PEX7: variants seen among roughly 807,000 people sequenced by gnomAD.
The protein encoded by PEX7 is PTS2 receptor.
In PEX7, 34 loss-of-function variants were observed where a neutral mutation model predicts 47.5. That is an observed-to-expected ratio of 0.72 (90% CI 0.54 to 0.95). The LOEUF (loss-of-function observed/expected upper bound fraction) is 0.95, where lower values mean the gene tolerates loss of function less well. Ranked by LOEUF, PEX7 falls within the 40% of genes least tolerant of loss-of-function variation. PEX7 has a pLI of 0.00. For missense variants in PEX7, 394 were observed against 400.3 expected (o/e 0.98, Z 0.13); for synonymous variants, 141 against 148.8 (o/e 0.95, Z 0.38).
intron 5 of PEX7, among the ~76,000 whole-genome samples, chr6:136,862,186 C>T (rs1053825771): frequency 1.3e-5 from 2 of 150,892 alleles, no homozygotes; most frequent in Admixed American, 6.6e-5. Flanking sequence ...TATGCCCCAG[C>T]GTCTTGAGTA....
chr6:136,900,751 A>C lies in PEX7; in HGVS notation c.903+2510A>C. On this transcript the variant is annotated intron_variant, in intron 9 of 9. Coordinates refer to ENST00000318471, the MANE Select transcript of PEX7 (RefSeq NM_000288.4). This position sits in a 1 kb window ranked among gnomAD's most constrained non-coding sequence, Gnocchi z 4.2. ...CTCCACCAAGGTGGTGACGGTGTTA[A>C]CCCCAGCTTGAAGGACAGGTGGTCT... 2.9e-6 allele frequency: 1 copy of C among 339,408 alleles called. No homozygotes were observed. 21.0% of individuals were successfully genotyped at this position (339,408 alleles called of 1,614,324 possible).
At chr6:136,895,429 A>G (rs1775631396) in intron 8 of PEX7, among the ~76,000 whole-genome samples, 2 of 151,956 alleles carry the variant, frequency 1.3e-5, no homozygotes, top group Admixed American at 6.6e-5. Context: ...GATTGAAAAA[A>G]TTTTCCTGAC....
chr6:136,860,293 A>T (rs1324537499), intron 5 of PEX7, among the ~76,000 whole-genome samples: 2 of 152,156 alleles, frequency 1.3e-5, no homozygotes, highest in African/African-American at 4.8e-5. Flanking sequence ...GAAGTGCCAA[A>T]TGGTTACATC....
intron 8 of PEX7, among the ~76,000 whole-genome samples, chr6:136,886,951 G>A (rs1438480889): frequency 6.6e-6 from 1 of 152,068 alleles, no homozygotes; most frequent in Non-Finnish European, 1.5e-5. Context: ...CTTGGGTGCT[G>A]AGGCAGGAGG....
At chr6:136,911,973 T>C (rs1037917164) in intron 9 of PEX7, among the ~76,000 whole-genome samples, 6 of 152,226 alleles carry the variant, frequency 3.9e-5, no homozygotes, top group Admixed American at 1.3e-4. Flanking sequence ...TCTTTAATTT[T>C]AGCCATAATG....
chr6:136,905,182 C>A (rs1311528934), intron 9 of PEX7, among the ~76,000 whole-genome samples: 1 of 152,176 alleles, frequency 6.6e-6, no homozygotes, highest in African/African-American at 2.4e-5. Context: ...GTCTCTGTCA[C>A]CCCAAAAGGT....
chr6:136,888,471 G>A (rs1347287973), intron 8 of PEX7, among the ~76,000 whole-genome samples: 2 of 151,696 alleles, frequency 1.3e-5, no homozygotes, highest in Non-Finnish European at 2.9e-5. Flanking sequence ...TTTTTGCTTT[G>A]TGAGATGGGT....
chr6:136,908,041 G>A (rs1775872881), intron 9 of PEX7, among the ~76,000 whole-genome samples: 2 of 152,158 alleles, frequency 1.3e-5, no homozygotes. Context: ...TATAGGAAAT[G>A]CTGAAATACT....
At chr6:136,825,182 A>G (rs1336436414) in intron 1 of PEX7, 32 bp from the exon 2 acceptor site, 4 of 1,592,082 alleles carry the variant, frequency 2.5e-6, no homozygotes, top group Non-Finnish European at 3.4e-6. Flanking sequence ...TGGCAGGTTC[A>G]AAGGGATGAC....
chr6:136,901,325 A>G (rs1775750455), intron 9 of PEX7: 1 of 152,260 alleles, frequency 6.6e-6, no homozygotes, highest in Non-Finnish European at 1.5e-5. Context: ...TTAGTGGCGT[A>G]AAACAACAAT....
intron 5 of PEX7, among the ~76,000 whole-genome samples, chr6:136,860,016 A>C (rs1774929381): frequency 6.7e-6 from 1 of 149,128 alleles, no homozygotes; most frequent in Admixed American, 6.7e-5. Flanking sequence ...CTGTCTCAGA[A>C]AAAAAAAAAA....
chr6:136,867,237 G>A (rs1162497391), intron 6 of PEX7, among the ~76,000 whole-genome samples: 2 of 152,156 alleles, frequency 1.3e-5, no homozygotes, highest in Non-Finnish European at 2.9e-5. Flanking sequence ...AACCACATGA[G>A]CGTATGAATC....
At chr6:136,904,051 A>T (rs1308500390) in intron 9 of PEX7, among the ~76,000 whole-genome samples, 2 of 152,200 alleles carry the variant, frequency 1.3e-5, no homozygotes, top group Non-Finnish European at 2.9e-5. Context: ...TTAATGGTTG[A>T]CAGTAGATAA....
intron 3 of PEX7, among the ~76,000 whole-genome samples, chr6:136,836,295 G>A (rs1023580591): frequency 1.3e-5 from 2 of 151,498 alleles, no homozygotes; most frequent in Non-Finnish European, 2.9e-5. Flanking sequence ...TATATATAGT[G>A]TATATACATT....
At position 136,836,907 on chromosome 6, in the gene PEX7, A is replaced by G. The variant is rs147630603; in HGVS notation, c.340-8708A>G. On this transcript the variant is annotated intron_variant, in intron 3 of 9. Transcript: ENST00000318471. Reference sequence around the variant, plus strand: ...GGCAGAGTTTGCAGTGAGTGAAATCATGCCACTGCACTCCAGCCTGGGCAA... The same window carrying G: ...GGCAGAGTTTGCAGTGAGTGAAATCGTGCCACTGCACTCCAGCCTGGGCAA... 3.5e-3 allele frequency among the ~76,000 whole-genome samples: 537 copies of G among 152,236 alleles called. 2 individuals carry two copies. The highest frequency in any genetic ancestry group is 4.6e-3 in the Non-Finnish European group (310 of 68,012).
chr6:136,867,823 A>G (rs1272685859), intron 6 of PEX7, among the ~76,000 whole-genome samples: 2 of 152,162 alleles, frequency 1.3e-5, no homozygotes, highest in African/African-American at 4.8e-5. Flanking sequence ...AAAATTAGAA[A>G]GTTTATGAAG....
At chr6:136,862,913 A>AT (rs1361686102) in intron 5 of PEX7, among the ~76,000 whole-genome samples, 1 of 152,102 alleles carries the variant, frequency 6.6e-6, no homozygotes, top group African/African-American at 2.4e-5. Flanking sequence ...GAAAAAGGGT[A>AT]TTTCTGGGCA....
intron 4 of PEX7, 32 bp from the exon 5 acceptor site, chr6:136,846,041 C>G: frequency 1.5e-6 from 2 of 1,337,122 alleles, no homozygotes; most frequent in Non-Finnish European, 2.2e-6. Context: ...GAATTTATCC[C>G]TCAAGTAATT....
At chr6:136,907,874 T>G (rs1434182196) in intron 9 of PEX7, among the ~76,000 whole-genome samples, 1 of 152,194 alleles carries the variant, frequency 6.6e-6, no homozygotes, top group Non-Finnish European at 1.5e-5. Context: ...TGTTTCCTTC[T>G]CTAAAATCCA....
Sources: allele counts gnomAD v4.1 joint callset (sites outside exome capture counted in the v4.1 genomes callset), GRCh38; gene constraint gnomAD v4.1.1; non-coding constraint Gnocchi (gnomAD v3.1); transcripts MANE v1.5; gene names NCBI Gene and HGNC (gene_info 2026-07-23, HGNC 2026-07-21).